The following PCDH15 variants were observed in gnomAD, a reference collection of about 807,000 sequenced individuals.
PCDH15 encodes the protein protocadherin related 15, also known as protocadherin-15.
In PCDH15, 129 loss-of-function variants were observed where a neutral mutation model predicts 178.5. The observed-to-expected ratio is 0.72, with a 90% CI of 0.63 to 0.84. The LOEUF (loss-of-function observed/expected upper bound fraction) is 0.84. PCDH15 is among the 40% of genes least tolerant of loss of function. The pLI is 0.00. For missense variants in PCDH15, 2,230 were observed against 2,099.9 expected, an observed-to-expected ratio of 1.06 and a Z score of -1.21; for synonymous variants, 800 against 732.0, an observed-to-expected ratio of 1.09 and a Z score of -1.50.
intron 21 of PCDH15, among the ~76,000 whole-genome samples, chr10:53,971,857 TAC>T (rs1216394866): frequency 6.6e-6 from 1 of 152,188 alleles, no homozygotes; most frequent in African/African-American, 2.4e-5. Flanking sequence ...AAAATGGTCA[TAC>T]TGCCCAAGGT....
chr10:53,928,189 C>T (rs2084736854), intron 25 of PCDH15, among the ~76,000 whole-genome samples: 1 of 151,994 alleles, frequency 6.6e-6, no homozygotes, highest in South Asian at 2.1e-4. Flanking sequence ...CTATATGGCA[C>T]TTTTCCCCAT....
At chr10:54,893,359 C>T (rs376529314) in intron 3 of PCDH15, among the ~76,000 whole-genome samples, 1 of 151,880 alleles carries the variant, frequency 6.6e-6, no homozygotes, top group Non-Finnish European at 1.5e-5. Context: ...ATTGAATATA[C>T]TATTTATTAA....
At chr10:53,876,202 T>TA (rs1554840256) in intron 26 of PCDH15, among the ~76,000 whole-genome samples, 1 of 84,968 alleles carries the variant, frequency 1.2e-5, no homozygotes, top group Non-Finnish European at 2.7e-5. Flanking sequence ...TTTTTTGTTT[T>TA]TTTTTTGACA....
intron 20 of PCDH15, among the ~76,000 whole-genome samples, chr10:54,000,610 A>G (rs956292360): frequency 6.6e-6 from 1 of 150,620 alleles, no homozygotes; most frequent in African/African-American, 2.4e-5. Context: ...GAGCTTGAAG[A>G]CAGCCCATTT....
chr10:54,667,003 A>T (rs2094582898), intron 1 of PCDH15, among the ~76,000 whole-genome samples: 1 of 152,032 alleles, frequency 6.6e-6, no homozygotes, highest in South Asian at 2.1e-4. Flanking sequence ...CTCTTGATCT[A>T]TGGCTCTGCA....
intron 15 of PCDH15, among the ~76,000 whole-genome samples, chr10:54,116,369 G>A (rs561625414): frequency 1.3e-5 from 2 of 152,222 alleles, no homozygotes; most frequent in South Asian, 4.1e-4. Flanking sequence ...ATATATTTGA[G>A]AAGTTTCCAC....
chr10:55,568,321 C>T (rs937146898), intron 2 of PCDH15, among the ~76,000 whole-genome samples: 3 of 152,038 alleles, frequency 2.0e-5, no homozygotes, highest in African/African-American at 7.2e-5. Context: ...GAGGCAAATA[C>T]TCTATTATTC....
chr10:53,831,029 AC>A, intron 30 of PCDH15: 3 of 590,224 alleles, frequency 5.1e-6, no homozygotes, highest in South Asian at 4.8e-5. Context: ...TGGCTCTTAA[AC>A]AAAAGAAGAG....
intron 11 of PCDH15, among the ~76,000 whole-genome samples, chr10:54,186,105 T>C (rs1463300705): frequency 6.6e-6 from 1 of 151,802 alleles, no homozygotes; most frequent in Non-Finnish European, 1.5e-5. Context: ...GTCTGCATAG[T>C]AGGAAAGAAA....
chr10:54,990,664 A>G (rs944668298), intron 2 of PCDH15, among the ~76,000 whole-genome samples: 40 of 152,160 alleles, frequency 2.6e-4, no homozygotes, highest in African/African-American at 9.2e-4. Flanking sequence ...CAAATTAGAA[A>G]TTCTGAGATG....
intron 2 of PCDH15, among the ~76,000 whole-genome samples, chr10:54,552,786 T>C (rs1258127799): frequency 6.6e-6 from 1 of 152,152 alleles, no homozygotes; most frequent in African/African-American, 2.4e-5. Context: ...TCAACATTAC[T>C]CTGGTAAGAG....
chr10:55,429,786 T>C (rs942382965), intron 2 of PCDH15, among the ~76,000 whole-genome samples: 1 of 152,170 alleles, frequency 6.6e-6, no homozygotes, highest in Non-Finnish European at 1.5e-5. Context: ...TTAACACTTT[T>C]AGGTGCAGGA....
intron 1 of PCDH15, among the ~76,000 whole-genome samples, chr10:55,265,180 A>G (rs561456622): frequency 6.6e-6 from 1 of 152,094 alleles, no homozygotes; most frequent in Admixed American, 6.5e-5. Context: ...TAAATTTGGG[A>G]CCAGTAAGTT....
chr10:55,593,494 AC>A (rs1225612589), intron 2 of PCDH15, among the ~76,000 whole-genome samples: 2 of 151,958 alleles, frequency 1.3e-5, no homozygotes, highest in African/African-American at 4.8e-5. Flanking sequence ...ACTTTATCTG[AC>A]AAAAGAGAGT....
chr10:54,394,433 T>C (rs1320079496), intron 3 of PCDH15, among the ~76,000 whole-genome samples: 1 of 152,162 alleles, frequency 6.6e-6, no homozygotes, highest in Admixed American at 6.5e-5. Flanking sequence ...GTACGTTCCG[T>C]GATGCCCCAC....
At chr10:53,809,105 C>T (rs752114183) in intron 37 of PCDH15, 1 of 1,613,952 alleles carries the variant, frequency 6.2e-7, no homozygotes, top group Non-Finnish European at 8.5e-7. Flanking sequence ...CCTTCTGACT[C>T]TGTGGATTCC....
intron 5 of PCDH15, among the ~76,000 whole-genome samples, chr10:54,349,900 G>A (rs1454327634): frequency 2.0e-5 from 3 of 151,900 alleles, no homozygotes; most frequent in Non-Finnish European, 4.4e-5. Context: ...GTGTGCCACA[G>A]GTAAATTTCC....
chr10:54,775,458 C>T (rs1328696772), intron 1 of PCDH15, among the ~76,000 whole-genome samples: 1 of 152,104 alleles, frequency 6.6e-6, no homozygotes, highest in African/African-American at 2.4e-5. Flanking sequence ...TCCATTATCT[C>T]CAATATTTAT....
intron 2 of PCDH15, among the ~76,000 whole-genome samples, chr10:55,375,967 G>A (rs1013928235): frequency 1.5e-4 from 22 of 150,854 alleles, no homozygotes; most frequent in East Asian, 3.9e-4. Flanking sequence ...TATTTTATTC[G>A]TAGTGTCTAT....
Sources: gnomAD v4.1 joint callset for allele counts (sites outside exome capture counted in the v4.1 genomes callset) on GRCh38, gnomAD v4.1.1 for gene constraint, MANE v1.5 for transcripts, NCBI Gene and HGNC (gene_info 2026-07-23, HGNC 2026-07-21) for gene names.